RANBP2: variants seen among roughly 807,000 people sequenced by gnomAD.
RANBP2 encodes the protein RAN binding protein 2, also known as E3 SUMO-protein ligase RanBP2.
In RANBP2, 57 loss-of-function variants were observed where a neutral mutation model predicts 303.6. The ratio of observed to expected loss-of-function variants is 0.19; its 90% CI spans 0.15 to 0.23. The LOEUF is 0.23. Among genes scored for constraint, RANBP2 ranks in the 10% least tolerant of loss-of-function variants. The pLI is 1.00. For missense variants in RANBP2, 3,138 were observed against 3,780.8 expected (o/e 0.83, Z 4.46); for synonymous variants, 1,167 against 1,301.5 (o/e 0.90, Z 2.23).
the RANBP2 span, among the ~76,000 whole-genome samples, chr2:108,962,451 A>G: frequency 6.6e-6 from 1 of 152,064 alleles, no homozygotes; most frequent in African/African-American, 2.4e-5. Context: ...AGGCTGGTGG[A>G]TCATGAGGTC....
the RANBP2 span, among the ~76,000 whole-genome samples, chr2:109,498,392 C>A: frequency 6.6e-6 from 1 of 152,186 alleles, no homozygotes; most frequent in Non-Finnish European, 1.5e-5. Flanking sequence ...CTGGTGCAAG[C>A]TGGGCCTGTG....
chr2:109,385,445 T>C, the RANBP2 span, among the ~76,000 whole-genome samples: 2 of 152,214 alleles, frequency 1.3e-5, no homozygotes, highest in Non-Finnish European at 2.9e-5. Context: ...AGCAGCGTGT[T>C]GTTTTTGATG....
chr2:109,574,591 A>G, the RANBP2 span: 2 of 1,547,638 alleles, frequency 1.3e-6, no homozygotes, highest in African/African-American at 2.8e-5. Flanking sequence ...CTTGCTGTCA[A>G]GGTTCTTCAT....
chr2:108,929,625 T>C, the RANBP2 span, among the ~76,000 whole-genome samples: 1 of 152,186 alleles, frequency 6.6e-6, no homozygotes, highest in East Asian at 1.9e-4. Flanking sequence ...CCGAGATGAA[T>C]TCAGCGAGCT....
rs1249287548 is a variant in RANBP2 at position 108,781,283 on chromosome 2, T to C, written c.8614T>C (p.Trp2872Arg). 3 of 1,614,004 alleles carry C rather than the reference T, an allele frequency of 1.9e-6. No individual in the cohort carries two copies. Among genetic ancestry groups the C allele is most frequent in the African/African-American group, 2.7e-5 (2 of 74,918 alleles). The change falls in exon 26 of 29, where the codon TGG becomes CGG. Residue 2872 changes from tryptophan (W) to arginine (R), a missense_variant. This residue lies in a region of RANBP2 where 497 missense variants were observed against 465.8 expected (regional missense o/e 1.07). Transcript: ENST00000283195. ...TTATTCATCAGATAAAAATTTCCAA[T>C]GGGCAAATACTGGAGCAGCTGTGTT... ...AFGSKDKNFQWANTGAAVFGT... is the reference protein window; with the variant it reads ...AFGSKDKNFQRANTGAAVFGT...
At chr2:109,040,340 C>T in the RANBP2 span, among the ~76,000 whole-genome samples, 2 of 152,168 alleles carry the variant, frequency 1.3e-5, no homozygotes, top group Non-Finnish European at 2.9e-5. Flanking sequence ...AATACACTGA[C>T]TTCATTACTT....
the RANBP2 span, among the ~76,000 whole-genome samples, chr2:108,795,058 T>TA: frequency 3.8e-5 from 1 of 26,012 alleles, no homozygotes; most frequent in Non-Finnish European, 2.4e-4. Flanking sequence ...TAAGTACTTA[T>TA]ATATAAAAAG....
chr2:109,632,765 G>A, the RANBP2 span, among the ~76,000 whole-genome samples: 14 of 151,826 alleles, frequency 9.2e-5, no homozygotes, highest in Non-Finnish European at 2.1e-4. Flanking sequence ...GTTGCAGTGA[G>A]CCGAGATCAC....
At chr2:108,805,658 C>T in the RANBP2 span, among the ~76,000 whole-genome samples, 3 of 151,740 alleles carry the variant, frequency 2.0e-5, no homozygotes, top group Non-Finnish European at 4.4e-5. Flanking sequence ...ACCCAGGAGG[C>T]GGAGCTTGCA....
the RANBP2 span, among the ~76,000 whole-genome samples, chr2:109,367,306 A>C: frequency 6.8e-6 from 1 of 147,812 alleles, no homozygotes; most frequent in African/African-American, 2.5e-5. Flanking sequence ...TTTTAGATGG[A>C]GTCTTGCTCT....
chr2:109,128,354 G>A, the RANBP2 span: 1 of 152,192 alleles, frequency 6.6e-6, no homozygotes, highest in Non-Finnish European at 1.5e-5. Context: ...AGACTGCGCC[G>A]CGGCGGGCGC....
the RANBP2 span, among the ~76,000 whole-genome samples, chr2:109,571,693 T>C: frequency 6.6e-6 from 1 of 152,204 alleles, no homozygotes; most frequent in Non-Finnish European, 1.5e-5. Flanking sequence ...ATAAGGAATT[T>C]CAGCATCCTC....
At chr2:109,515,737 C>T in the RANBP2 span, among the ~76,000 whole-genome samples, 1 of 152,206 alleles carries the variant, frequency 6.6e-6, no homozygotes, top group Non-Finnish European at 1.5e-5. Flanking sequence ...GTACAGGAAG[C>T]ATGGCACCAG....
At chr2:108,889,420 A>G in the RANBP2 span, among the ~76,000 whole-genome samples, 107,397 of 152,066 alleles carry the variant, frequency 0.71, 41,356 homozygotes, top group East Asian at 0.9. Context: ...TATTGCATCT[A>G]TCTCTCCTTA....
rs1248336072 is a variant in RANBP2, at chr2:108,763,995, G to A, written c.3456G>A (p.Lys1152=). 1.9e-6 allele frequency: 3 copies of A among 1,613,774 alleles called. No individual in the cohort carries two copies. The highest frequency in any genetic ancestry group is 2.5e-6 in the Non-Finnish European group (3 of 1,179,840). Residue 1152 remains lysine, a synonymous_variant, in exon 20 of 29, where the codon AAG becomes AAA. Coordinates refer to ENST00000283195, the MANE Select transcript of RANBP2 (RefSeq NM_006267.5). Reference sequence around the variant, plus strand: ...CACCCACTTTAGAGACAGCAAACAAGAATCATGAGACAGATGGAGGAAGTG... The same window carrying A: ...CACCCACTTTAGAGACAGCAAACAAAAATCATGAGACAGATGGAGGAAGTG... ...FGTPTLETAN[K]NHETDGGSAH... is the part of the protein sequence containing the mutation.
At chr2:108,797,304 G>A in the RANBP2 span, among the ~76,000 whole-genome samples, 4 of 152,166 alleles carry the variant, frequency 2.6e-5, no homozygotes. Flanking sequence ...TAGGAGAATG[G>A]TGTCATGGAA....
the RANBP2 span, among the ~76,000 whole-genome samples, chr2:109,005,121 A>G: frequency 6.6e-6 from 1 of 152,288 alleles, no homozygotes; most frequent in Non-Finnish European, 1.5e-5. Context: ...AGACATATGT[A>G]TTTGGTACCT....
chr2:109,415,315 GCCT>G, the RANBP2 span, among the ~76,000 whole-genome samples: 3 of 152,186 alleles, frequency 2.0e-5, no homozygotes, highest in Non-Finnish European at 4.4e-5. Context: ...TAAGCACGTG[GCCT>G]GAGTTCAAAA....
chr2:109,692,587 C>T, the RANBP2 span, among the ~76,000 whole-genome samples: 64 of 152,076 alleles, frequency 4.2e-4, no homozygotes, highest in Non-Finnish European at 8.5e-4. Flanking sequence ...AGCTGGAGGC[C>T]GAGGCCGTGT....
Sources: gnomAD v4.1 joint callset for allele counts (sites outside exome capture counted in the v4.1 genomes callset) on GRCh38, gnomAD v4.1.1 for gene constraint, gnomAD v4.1.1 regional missense constraint, MANE v1.5 for transcripts, NCBI Gene and HGNC (gene_info 2026-07-23, HGNC 2026-07-21) for gene names.